The following STIM2 variants were observed in gnomAD, a reference collection of about 807,000 sequenced individuals.
The protein encoded by STIM2 is stromal interaction molecule 2.
In STIM2, 31 loss-of-function variants were observed where a neutral mutation model predicts 85.8. That is an observed-to-expected ratio of 0.36 (90% CI 0.27 to 0.49). The LOEUF is 0.49. Among genes scored for constraint, STIM2 ranks in the 20% least tolerant of loss-of-function variants. The pLI is 0.98. For synonymous variants in STIM2, 356 were observed against 331.1 expected (o/e 1.08, Z -0.82); for missense variants, 841 against 927.6 (o/e 0.91, Z 1.21).
At chr4:26,982,610 C>T (rs1391326291) in intron 3 of STIM2, among the ~76,000 whole-genome samples, 4 of 152,040 alleles carry the variant, frequency 2.6e-5, no homozygotes, top group Non-Finnish European at 4.4e-5. Context: ...TATGTCTTAA[C>T]CTCAATCCTG....
chr4:26,870,561 T>C (rs1420788396), intron 1 of STIM2, among the ~76,000 whole-genome samples: 1 of 152,186 alleles, frequency 6.6e-6, no homozygotes, highest in Non-Finnish European at 1.5e-5. Context: ...ATAACTATAA[T>C]TTAAAAAATT....
intron 3 of STIM2, among the ~76,000 whole-genome samples, chr4:26,977,572 A>T (rs1395254887): frequency 6.6e-6 from 1 of 152,200 alleles, no homozygotes; most frequent in Non-Finnish European, 1.5e-5. Flanking sequence ...AAATGGCTGG[A>T]AAGTCTGATT....
intron 1 of STIM2, chr4:26,874,312 C>T (rs754972824): frequency 1.1e-5 from 4 of 366,104 alleles, no homozygotes; most frequent in Non-Finnish European, 1.7e-5. Flanking sequence ...AGATCTCCGG[C>T]GCACAGAGGC....
At chr4:26,947,666 G>C (rs1725885984) in intron 2 of STIM2, among the ~76,000 whole-genome samples, 1 of 152,154 alleles carries the variant, frequency 6.6e-6, no homozygotes, top group South Asian at 2.1e-4. Context: ...CTGCTCGCCA[G>C]CCCTAGACCT....
intron 1 of STIM2, among the ~76,000 whole-genome samples, chr4:26,899,559 T>C (rs908056860): frequency 2.0e-5 from 3 of 152,146 alleles, no homozygotes; most frequent in African/African-American, 7.2e-5. Context: ...TGGGAGAAAT[T>C]CCTAGATAGT....
chr4:26,937,452 T>C lies in STIM2; in HGVS notation c.282+17818T>C, dbSNP rs558353576. Among the ~76,000 whole-genome samples the C allele has an allele frequency of 6.6e-5, 10 of 152,310 alleles. No individual in the cohort carries two copies. In the East Asian group the frequency reaches 1.7e-3, roughly 27 times the overall value. On this transcript the variant is annotated intron_variant, in intron 2 of 11. Coordinates refer to ENST00000467087, the MANE Select transcript of STIM2 (RefSeq NM_020860.4). ...ACAGCACAGCATTGCATTGATCTAATATACTTTTTTGCGAGTTTAGGACAC... is the reference window on the plus strand; with the variant it reads ...ACAGCACAGCATTGCATTGATCTAACATACTTTTTTGCGAGTTTAGGACAC...
intron 3 of STIM2, among the ~76,000 whole-genome samples, chr4:26,981,764 A>G (rs532783241): frequency 8.5e-5 from 13 of 152,308 alleles, no homozygotes; most frequent in African/African-American, 2.6e-4. Context: ...GATTTGTTTG[A>G]TATTTTTACA....
intron 3 of STIM2, among the ~76,000 whole-genome samples, chr4:26,988,966 A>T (rs151091015): frequency 2.9e-3 from 436 of 152,142 alleles, no homozygotes; most frequent in African/African-American, 0.01. Context: ...ACGGAGTCTC[A>T]CTCTGTCTCC....
At chr4:26,902,740 T>TC (rs2109053343) in intron 1 of STIM2, among the ~76,000 whole-genome samples, 1 of 152,298 alleles carries the variant, frequency 6.6e-6, no homozygotes, top group Admixed American at 6.5e-5. Context: ...CCCATTTCTA[T>TC]CCATTTGATG....
intron 2 of STIM2, among the ~76,000 whole-genome samples, chr4:26,934,066 C>A (rs982848757): frequency 6.6e-6 from 1 of 152,104 alleles, no homozygotes. Flanking sequence ...TGGTGGCACG[C>A]GCCTGTAATC....
At chr4:26,873,994 TCTC>T (rs1722725762) in intron 1 of STIM2, 2 of 896,928 alleles carry the variant, frequency 2.2e-6, no homozygotes, top group Middle Eastern at 3.1e-4. Flanking sequence ...CCCCTCTCTT[TCTC>T]CTCCTGGCCT....
intron 10 of STIM2, among the ~76,000 whole-genome samples, chr4:27,009,907 T>C (rs1728502078): frequency 6.6e-6 from 1 of 152,252 alleles, no homozygotes; most frequent in African/African-American, 2.4e-5. Flanking sequence ...CTCCTTAAAA[T>C]CCGTGTTTAA....
intron 1 of STIM2, among the ~76,000 whole-genome samples, chr4:26,885,314 C>G (rs1488563495): frequency 6.6e-6 from 1 of 152,084 alleles, no homozygotes; most frequent in Non-Finnish European, 1.5e-5. Flanking sequence ...TTATTAGCAC[C>G]CAGATCGAGA....
chr4:26,915,066 T>C (rs917988484), intron 1 of STIM2, among the ~76,000 whole-genome samples: 3 of 152,206 alleles, frequency 2.0e-5, no homozygotes, highest in Non-Finnish European at 4.4e-5. Flanking sequence ...ATCCCAGTTG[T>C]CATTTCTAGG....
chr4:26,863,425 A>G (rs903375572), intron 1 of STIM2, among the ~76,000 whole-genome samples: 2 of 152,164 alleles, frequency 1.3e-5, no homozygotes, highest in Non-Finnish European at 2.9e-5. Flanking sequence ...AAATACAGTC[A>G]ATAGCACCCA....
intron 1 of STIM2, among the ~76,000 whole-genome samples, chr4:26,906,802 T>G (rs963675854): frequency 1.4e-4 from 21 of 151,944 alleles, no homozygotes; most frequent in African/African-American, 4.8e-4. Flanking sequence ...CCATCTCTAC[T>G]AAAAATACAA....
chr4:26,967,663 C>CT (rs1726774551), intron 3 of STIM2, among the ~76,000 whole-genome samples: 1 of 152,064 alleles, frequency 6.6e-6, no homozygotes, highest in Admixed American at 6.6e-5. Context: ...CTTTGTCTGC[C>CT]TTTTTTAACT....
chr4:26,922,008 C>A (rs1376713551), intron 2 of STIM2, among the ~76,000 whole-genome samples: 13 of 152,152 alleles, frequency 8.5e-5, no homozygotes, highest in Admixed American at 8.5e-4. Flanking sequence ...ATAATTCTAT[C>A]TTACATAGCT....
At chr4:26,900,068 G>A (rs181354588) in intron 1 of STIM2, among the ~76,000 whole-genome samples, 1 of 152,128 alleles carries the variant, frequency 6.6e-6, no homozygotes, top group South Asian at 2.1e-4. Context: ...TGAAATTAGG[G>A]AATGTAGGCA....
Sources: allele counts gnomAD v4.1 joint callset (sites outside exome capture counted in the v4.1 genomes callset), GRCh38; gene constraint gnomAD v4.1.1; transcripts MANE v1.5; gene names NCBI Gene and HGNC (gene_info 2026-07-23, HGNC 2026-07-21).